The following LPIN1 variants were observed in gnomAD, a reference collection of about 807,000 sequenced individuals.
LPIN1 encodes the protein lipin 1.
LPIN1 carries 71 observed loss-of-function variants against 107.5 expected under a neutral mutation model. That is an observed-to-expected ratio of 0.66 (90% CI 0.55 to 0.80). The LOEUF is 0.80. Ranked by LOEUF, LPIN1 falls within the 30% of genes least tolerant of loss-of-function variation. The pLI is 0.00. For synonymous variants in LPIN1, 445 were observed against 452.6 expected (o/e 0.98, Z 0.21); for missense variants, 1,043 against 1,160.6 (o/e 0.90, Z 1.47).
intron 1 of LPIN1, among the ~76,000 whole-genome samples, chr2:11,734,526 T>A (rs1004816923): frequency 6.6e-6 from 1 of 152,218 alleles, no homozygotes; most frequent in African/African-American, 2.4e-5. Flanking sequence ...CTGCATTAGC[T>A]AATTGCTTTT....
chr2:11,696,195 C>G (rs1050962783), intron 1 of LPIN1, among the ~76,000 whole-genome samples: 18 of 151,848 alleles, frequency 1.2e-4, no homozygotes, highest in African/African-American at 4.1e-4. Context: ...CCCCCGCCCC[C>G]AAACAAGCCC....
chr2:11,750,332 C>T (rs1667606096), intron 1 of LPIN1, among the ~76,000 whole-genome samples: 1 of 152,230 alleles, frequency 6.6e-6, no homozygotes, highest in African/African-American at 2.4e-5. Context: ...CTGTGCAATG[C>T]CAGAATGCCA....
chr2:11,765,853 G>A lies in LPIN1; in HGVS notation c.192+120G>A, dbSNP rs931306332. On this transcript the variant is annotated intron_variant, in intron 2 of 20. Coordinates refer to ENST00000674199, the MANE Select transcript of LPIN1 (RefSeq NM_001349206.2). The surrounding 1 kb of genome is among the most constrained non-coding windows in gnomAD (Gnocchi z 4.4). The stretch of plus-strand genomic sequence containing the variant: ...GAGTTTTAGGTCTTCGTTGGAAATG[G>A]CCAGTCACGGAACTGACAGTGACTA... The A allele has an allele frequency of 2.5e-6, 2 of 812,054 alleles. No individual in the cohort carries two copies. The highest frequency in any genetic ancestry group is 2.8e-5 in the Admixed American group (1 of 35,328). 50.3% of individuals were successfully genotyped at this position (812,054 alleles called of 1,614,324 possible). A position where few individuals can be genotyped will look rare whatever the true frequency, so the allele number is the denominator to read the frequency against.
intron 1 of LPIN1, among the ~76,000 whole-genome samples, chr2:11,730,976 G>A (rs904347620): frequency 2.0e-5 from 3 of 152,178 alleles, no homozygotes; most frequent in Non-Finnish European, 2.9e-5. Context: ...TGATTAAGAC[G>A]CAGCGGTAGG....
chr2:11,796,601 C>G (rs1374083832), intron 14 of LPIN1, among the ~76,000 whole-genome samples: 1 of 152,116 alleles, frequency 6.6e-6, no homozygotes, highest in African/African-American at 2.4e-5. Context: ...CTTTCTGTTT[C>G]CCCTGGTGGT....
intron 12 of LPIN1, among the ~76,000 whole-genome samples, chr2:11,791,171 C>T (rs1394577657): frequency 6.6e-6 from 1 of 152,094 alleles, no homozygotes; most frequent in Non-Finnish European, 1.5e-5. Flanking sequence ...TGTCTGCTTC[C>T]CTTAGACTGA....
chr2:11,741,565 G>A, intron 2 of LPIN1: 1 of 653,784 alleles, frequency 1.5e-6, no homozygotes, highest in Non-Finnish European at 2.7e-6. Flanking sequence ...AGGAGTTTGA[G>A]ACCAGCCTGG....
At chr2:11,787,382 C>A (rs944235988) in intron 11 of LPIN1, among the ~76,000 whole-genome samples, 3 of 85,924 alleles carry the variant, frequency 3.5e-5, no homozygotes, top group African/African-American at 1.6e-4. Context: ...TGTGAGTTTT[C>A]TTTTCTTTTC....
chr2:11,709,376 A>G (rs1663289835), intron 1 of LPIN1, among the ~76,000 whole-genome samples: 1 of 152,230 alleles, frequency 6.6e-6, no homozygotes, highest in African/African-American at 2.4e-5. Flanking sequence ...ACTGAGACCC[A>G]GAGAAGGGCG....
Position 11,771,532 on chromosome 2 carries a change from C to T in LPIN1, c.449C>T (p.Ser150Phe). 1 of 1,614,120 alleles carries T rather than the reference C, an allele frequency of 6.2e-7. No individual in the cohort carries two copies. The highest frequency in any genetic ancestry group is 8.5e-7 in the Non-Finnish European group (1 of 1,180,028). The part of the protein sequence containing the change: ...IAPSETPSSS[S>F]VVKKRRKRRR... ...CCCAGCGAGACGCCGTCAAGCAGCTCTGTAGTAAAGAAGAGAAGAAAAAGG... is the reference window on the plus strand; with the variant it reads ...CCCAGCGAGACGCCGTCAAGCAGCTTTGTAGTAAAGAAGAGAAGAAAAAGG... Residue 150 changes from serine to phenylalanine, a missense_variant, in exon 4 of 21, where the codon TCT (serine) becomes TTT (phenylalanine). Transcript: ENST00000674199. This position sits in a 1 kb window ranked among gnomAD's most constrained non-coding sequence, Gnocchi z 4.8.
intron 1 of LPIN1, among the ~76,000 whole-genome samples, chr2:11,757,099 C>T (rs7569901): frequency 0.23 from 34,405 of 152,050 alleles, 4,316 homozygotes; most frequent in African/African-American, 0.32. Context: ...AATAAAATCC[C>T]GTGAGGTGAA....
Position 11,771,360 on chromosome 2 carries a change from T to G in LPIN1, c.289-12T>G. Reference sequence around the variant, plus strand: ...AACGAGGCTCTTTTTAGAAAATGTGTTCTTTTCTTAGGAAGTTATCCCTAT... The same window carrying G: ...AACGAGGCTCTTTTTAGAAAATGTGGTCTTTTCTTAGGAAGTTATCCCTAT... On this transcript the variant is annotated splice_polypyrimidine_tract_variant and intron_variant, in intron 3 of 20. Coordinates refer to ENST00000674199, the MANE Select transcript of LPIN1 (RefSeq NM_001349206.2). The surrounding 1 kb of genome is among the most constrained non-coding windows in gnomAD (Gnocchi z 4.8). The G allele has an allele frequency of 6.2e-7, 1 of 1,613,336 alleles. No homozygotes were observed. The highest frequency in any genetic ancestry group is 1.1e-5 in the South Asian group (1 of 91,046).
chr2:11,685,657 C>G (rs952635404), intron 1 of LPIN1, among the ~76,000 whole-genome samples: 1 of 152,152 alleles, frequency 6.6e-6, no homozygotes, highest in Admixed American at 6.5e-5. Flanking sequence ...GACGGGTTAC[C>G]GAGTCCCCCC....
intron 1 of LPIN1, among the ~76,000 whole-genome samples, chr2:11,703,304 G>T (rs564020770): frequency 6.6e-6 from 1 of 152,084 alleles, no homozygotes; most frequent in Non-Finnish European, 1.5e-5. Flanking sequence ...TAGGGATAGC[G>T]TGGATCTGAG....
intron 4 of LPIN1, among the ~76,000 whole-genome samples, chr2:11,772,950 A>G (rs914554945): frequency 1.1e-4 from 16 of 152,122 alleles, no homozygotes; most frequent in Admixed American, 3.3e-4. Context: ...AACCTGTGAC[A>G]GGCTTAGAAC....
At chr2:11,802,866 A>G in intron 14 of LPIN1, 41 bp from the exon 15 acceptor site, 1 of 1,609,870 alleles carries the variant, frequency 6.2e-7, no homozygotes, top group South Asian at 1.1e-5. Flanking sequence ...GGCTACCCAG[A>G]TGCATTTTCT....
At chr2:11,807,641 A>G (rs1366489887) in intron 17 of LPIN1, among the ~76,000 whole-genome samples, 1 of 152,062 alleles carries the variant, frequency 6.6e-6, no homozygotes, top group East Asian at 1.9e-4. Flanking sequence ...TTGGTTTAGA[A>G]TGAGTGAAAC....
At position 11,803,089 on chromosome 2, in the gene LPIN1, C is replaced by A; in HGVS notation, c.2013+56C>A. 1.2e-6 allele frequency: 2 copies of A among 1,608,030 alleles called. No individual in the cohort carries two copies. Among genetic ancestry groups the A allele is most frequent in the Admixed American group, 1.7e-5 (1 of 60,018 alleles). On this transcript the variant is annotated intron_variant, in intron 15 of 20. Coordinates refer to ENST00000674199, the MANE Select transcript of LPIN1 (RefSeq NM_001349206.2). The surrounding 1 kb of genome is among the most constrained non-coding windows in gnomAD (Gnocchi z 4.2). ...TGTGAGCACATGAGGTTTCTGCAGA[C>A]TCCTAAGGCTGTGTGATGGTTGGGA...
chr2:11,796,153 C>T (rs1676673573), intron 14 of LPIN1, among the ~76,000 whole-genome samples: 1 of 152,222 alleles, frequency 6.6e-6, no homozygotes, highest in Non-Finnish European at 1.5e-5. Flanking sequence ...TATTCCTGTG[C>T]TTAAGAAATC....
Sources: gnomAD v4.1 joint callset for allele counts (sites outside exome capture counted in the v4.1 genomes callset) on GRCh38, gnomAD v4.1.1 for gene constraint, Gnocchi (gnomAD v3.1) non-coding constraint, MANE v1.5 for transcripts, NCBI Gene and HGNC (gene_info 2026-07-23, HGNC 2026-07-21) for gene names.